Variants in KCNT2 observed in about 807,000 individuals in gnomAD.
KCNT2 encodes the protein potassium sodium-activated channel subfamily T member 2.
A neutral mutation model predicts 153.8 loss-of-function variants in KCNT2; 67 were observed. That is an observed-to-expected ratio of 0.44 (90% CI 0.36 to 0.53). The LOEUF (loss-of-function observed/expected upper bound fraction) is 0.53. Ranked by LOEUF, KCNT2 falls within the 20% of genes least tolerant of loss-of-function variation. The pLI, the probability that KCNT2 is intolerant of heterozygous loss-of-function variation, is 0.00. For missense variants in KCNT2, 975 were observed against 1,354.8 expected (o/e 0.72, Z 4.40); for synonymous variants, 500 against 458.8 (o/e 1.09, Z -1.15).
At chr1:196,341,879 A>G (rs1665670397) in intron 15 of KCNT2, among the ~76,000 whole-genome samples, 200 bp downstream of exon 15, 1 of 152,136 alleles carries the variant, frequency 6.6e-6, no homozygotes, top group Non-Finnish European at 1.5e-5. Context: ...TTCCTACTAA[A>G]TTATAATTTA....
chr1:196,522,052 G>A (rs1653505164), intron 1 of KCNT2, among the ~76,000 whole-genome samples: 1 of 152,158 alleles, frequency 6.6e-6, no homozygotes, highest in African/African-American at 2.4e-5. Context: ...AGTACTTGTA[G>A]TTTTGTCTAA....
chr1:196,580,365 A>C (rs958290482), intron 1 of KCNT2, among the ~76,000 whole-genome samples: 3 of 152,266 alleles, frequency 2.0e-5, no homozygotes, highest in Middle Eastern at 3.4e-3. Flanking sequence ...GTAACTCCAC[A>C]GAAGAGAACC....
chr1:196,510,763 C>A (rs1203823720), intron 1 of KCNT2, among the ~76,000 whole-genome samples: 2 of 152,328 alleles, frequency 1.3e-5, no homozygotes. Context: ...TCTGCCTTAG[C>A]TGCAAATAGC....
intron 1 of KCNT2, among the ~76,000 whole-genome samples, chr1:196,542,744 A>C (rs1538682): frequency 1.3e-5 from 2 of 152,092 alleles, no homozygotes; most frequent in Admixed American, 6.6e-5. Context: ...TAAGGTGCCA[A>C]ACTTGACTAT....
At chr1:196,580,413 C>G (rs1661889498) in intron 1 of KCNT2, among the ~76,000 whole-genome samples, 1 of 152,098 alleles carries the variant, frequency 6.6e-6, no homozygotes, top group Non-Finnish European at 1.5e-5. Flanking sequence ...ACAGCATAAC[C>G]TGGACCTTCC....
At chr1:196,280,819 A>C (rs753756174) in intron 25 of KCNT2, 41 bp downstream of exon 25, 25 of 1,561,776 alleles carry the variant, frequency 1.6e-5, no homozygotes, top group Non-Finnish European at 2.1e-5. Context: ...TGCACTCATC[A>C]GATTAAACAT....
chr1:196,312,191 A>C (rs372908289), intron 21 of KCNT2, among the ~76,000 whole-genome samples: 2 of 151,656 alleles, frequency 1.3e-5, no homozygotes, highest in Admixed American at 1.3e-4. Flanking sequence ...CCCGAGGAAG[A>C]TCTTATCTCC....
At chr1:196,496,381 T>C (rs1680254930) in intron 1 of KCNT2, among the ~76,000 whole-genome samples, 1 of 149,686 alleles carries the variant, frequency 6.7e-6, no homozygotes. Flanking sequence ...GGAAGGAGAA[T>C]GGCGTGAACC....
chr1:196,342,739 A>G (rs1019057320), intron 14 of KCNT2, among the ~76,000 whole-genome samples: 10 of 152,100 alleles, frequency 6.6e-5, no homozygotes, highest in African/African-American at 2.2e-4. Flanking sequence ...TTTATAGAAA[A>G]TATACCTTTA....
chr1:196,270,661 T>C (rs1657979374), intron 25 of KCNT2, among the ~76,000 whole-genome samples: 1 of 152,040 alleles, frequency 6.6e-6, no homozygotes, highest in African/African-American at 2.4e-5. Context: ...CAATTTATAA[T>C]TTTCCAGAAT....
intron 4 of KCNT2, among the ~76,000 whole-genome samples, chr1:196,480,855 CAAAAAAAAAA>C (rs372270510): frequency 1.2e-3 from 31 of 26,898 alleles, no homozygotes; most frequent in African/African-American, 3.7e-3. Context: ...GACTTCGTCT[CAAAAAAAAAA>C]AAAAAAAAAA....
At chr1:196,443,227 G>C (rs975886484) in intron 8 of KCNT2, among the ~76,000 whole-genome samples, 27 of 151,536 alleles carry the variant, frequency 1.8e-4, no homozygotes, top group Non-Finnish European at 1.6e-4. Context: ...TTAGTTTGAG[G>C]AATCTAAGAG....
At chr1:196,408,985 T>A (rs1382213082) in intron 12 of KCNT2, among the ~76,000 whole-genome samples, 2 of 151,480 alleles carry the variant, frequency 1.3e-5, no homozygotes, top group East Asian at 3.9e-4. Context: ...TAACTGTAGC[T>A]TTTTACTCCT....
intron 14 of KCNT2, among the ~76,000 whole-genome samples, chr1:196,350,687 T>C (rs1478405720): frequency 6.6e-6 from 1 of 152,202 alleles, no homozygotes; most frequent in Non-Finnish European, 1.5e-5. Context: ...TCTTTTGCTG[T>C]GCAGAAGCTC....
intron 14 of KCNT2, among the ~76,000 whole-genome samples, chr1:196,352,455 T>A (rs1572140695): frequency 6.6e-6 from 1 of 152,122 alleles, no homozygotes; most frequent in African/African-American, 2.4e-5. Context: ...TGTCAAGGAA[T>A]TTATCCATTT....
At chr1:196,278,122 C>T (rs1356111045) in intron 25 of KCNT2, among the ~76,000 whole-genome samples, 1 of 152,052 alleles carries the variant, frequency 6.6e-6, no homozygotes, top group Non-Finnish European at 1.5e-5. Flanking sequence ...TGAATTTTAT[C>T]CTTTCATGTA....
intron 8 of KCNT2, among the ~76,000 whole-genome samples, chr1:196,435,643 C>T (rs1361584113): frequency 2.6e-5 from 4 of 151,604 alleles, no homozygotes; most frequent in East Asian, 3.9e-4. Flanking sequence ...ATTCATAATC[C>T]GATTATGTCA....
In KCNT2 at chr1:196,586,548, A is replaced by G. The variant is rs182051797; in HGVS notation, c.95+21667T>C. Among the ~76,000 whole-genome samples the G allele has an allele frequency of 4.6e-5, 7 of 152,248 alleles. No individual in the cohort carries two copies. In the East Asian group the frequency reaches 1.2e-3, roughly 25 times the overall value. Reference sequence around the variant, plus strand: ...ATTATTATTCGTTTCTGTTATCATTAATAAGAGTACCTGATTTATCATTGA... The same window carrying G: ...ATTATTATTCGTTTCTGTTATCATTGATAAGAGTACCTGATTTATCATTGA... On this transcript the variant is annotated intron_variant, in intron 1 of 27. Coordinates refer to ENST00000294725, the MANE Select transcript of KCNT2 (RefSeq NM_198503.5).
At chr1:196,416,725 A>C (rs1258893335) in intron 12 of KCNT2, among the ~76,000 whole-genome samples, 2 of 152,122 alleles carry the variant, frequency 1.3e-5, no homozygotes, top group Non-Finnish European at 2.9e-5. Context: ...GTTGAATTAA[A>C]AAATATATAA....
Sources: gnomAD v4.1 joint callset for allele counts (sites outside exome capture counted in the v4.1 genomes callset) on GRCh38, gnomAD v4.1.1 for gene constraint, MANE v1.5 for transcripts, NCBI Gene and HGNC (gene_info 2026-07-23, HGNC 2026-07-21) for gene names.